ROBO1: variants seen among roughly 807,000 people sequenced by gnomAD.
The protein encoded by ROBO1 is roundabout guidance receptor 1.
ROBO1 carries 149 observed loss-of-function variants against 195.9 expected under a neutral mutation model. The observed-to-expected ratio is 0.76, with a 90% CI of 0.67 to 0.87. The LOEUF (loss-of-function observed/expected upper bound fraction) is 0.87. ROBO1 is among the 40% of genes least tolerant of loss of function. The pLI is 0.00. For synonymous variants in ROBO1, 816 were observed against 733.2 expected (o/e 1.11, Z -1.82); for missense variants, 1,933 against 2,068.3 (o/e 0.93, Z 1.27).
chr3:79,534,148 CAAAAAAAAAAAAAA>C (rs5850434), intron 2 of ROBO1, among the ~76,000 whole-genome samples: 12 of 59,970 alleles, frequency 2.0e-4, no homozygotes, highest in East Asian at 6.3e-4. Context: ...CTGGGGAAGG[CAAAAAAAAAAAAAA>C]AAAAAAAAAA....
At chr3:79,484,692 T>TAAATATGGGTTAA (rs1939055200) in intron 2 of ROBO1, among the ~76,000 whole-genome samples, 1 of 150,520 alleles carries the variant, frequency 6.6e-6, no homozygotes, top group African/African-American at 2.4e-5. Context: ...GGCCAATGGA[T>TAAATATGGGTTAA]AAATATGGGT....
At chr3:79,395,648 G>C (rs1424055027) in intron 2 of ROBO1, among the ~76,000 whole-genome samples, 1 of 151,732 alleles carries the variant, frequency 6.6e-6, no homozygotes, top group Non-Finnish European at 1.5e-5. Flanking sequence ...TGTATCCTAC[G>C]GATACACATA....
At chr3:78,863,613 T>C (rs1310879106) in intron 4 of ROBO1, among the ~76,000 whole-genome samples, 1 of 152,220 alleles carries the variant, frequency 6.6e-6, no homozygotes, top group Non-Finnish European at 1.5e-5. Context: ...ACTTGTTTTA[T>C]AGTTTCTTCA....
At chr3:79,207,786 GA>G (rs34624794) in intron 2 of ROBO1, among the ~76,000 whole-genome samples, 1,703 of 116,518 alleles carry the variant, frequency 0.015, 10 homozygotes, top group South Asian at 0.041. Flanking sequence ...CTTTAAAACT[GA>G]AAAAAAAAAA....
intron 3 of ROBO1, among the ~76,000 whole-genome samples, chr3:79,059,318 A>T (rs1026969832): frequency 1.6e-4 from 24 of 152,038 alleles, no homozygotes; most frequent in African/African-American, 5.6e-4. Flanking sequence ...AGGGGCAGAA[A>T]ATCTTTCTAG....
At chr3:79,593,019 C>A (rs1050992394) in intron 1 of ROBO1, among the ~76,000 whole-genome samples, 1 of 151,992 alleles carries the variant, frequency 6.6e-6, no homozygotes, top group Non-Finnish European at 1.5e-5. Flanking sequence ...TGGCTACATA[C>A]ATCTTTCACT....
At chr3:79,738,535 GA>G (rs397938050) in intron 1 of ROBO1, among the ~76,000 whole-genome samples, 1 of 141,582 alleles carries the variant, frequency 7.1e-6, no homozygotes, top group South Asian at 2.1e-4. Flanking sequence ...GACACTCATA[GA>G]AAAAAGTTAT....
chr3:78,873,130 C>G (rs2035642382), intron 4 of ROBO1, among the ~76,000 whole-genome samples: 1 of 152,062 alleles, frequency 6.6e-6, no homozygotes, highest in Admixed American at 6.6e-5. Flanking sequence ...CTCCCAAAAA[C>G]AGTCTTGGGG....
intron 4 of ROBO1, among the ~76,000 whole-genome samples, chr3:78,883,899 A>G (rs1233855928): frequency 6.6e-6 from 1 of 152,166 alleles, no homozygotes; most frequent in African/African-American, 2.4e-5. Flanking sequence ...AGAGAATAAA[A>G]GGGCCAGCCC....
intron 1 of ROBO1, among the ~76,000 whole-genome samples, chr3:79,715,652 G>T (rs1702452985): frequency 6.6e-6 from 1 of 152,140 alleles, no homozygotes; most frequent in South Asian, 2.1e-4. Context: ...AACCAAGTCT[G>T]TAGCATCTCC....
At chr3:78,919,598 G>C (rs1430992236) in intron 4 of ROBO1, among the ~76,000 whole-genome samples, 2 of 152,160 alleles carry the variant, frequency 1.3e-5, no homozygotes, top group African/African-American at 4.8e-5. Context: ...CATGTCAGAA[G>C]ATCTCAGTAT....
At chr3:79,758,538 C>T (rs190992431) in intron 1 of ROBO1, among the ~76,000 whole-genome samples, 1 of 152,084 alleles carries the variant, frequency 6.6e-6, no homozygotes, top group Non-Finnish European at 1.5e-5. Context: ...TATTCAAACA[C>T]GAATGAGAGA....
intron 3 of ROBO1, among the ~76,000 whole-genome samples, chr3:78,970,250 A>G (rs1463642515): frequency 6.6e-6 from 1 of 152,188 alleles, no homozygotes; most frequent in Non-Finnish European, 1.5e-5. Flanking sequence ...TGATAATAAT[A>G]TTTACTTCAC....
At chr3:79,353,268 G>C (rs1235679571) in intron 2 of ROBO1, among the ~76,000 whole-genome samples, 1 of 152,036 alleles carries the variant, frequency 6.6e-6, no homozygotes, top group East Asian at 1.9e-4. Context: ...TAATTGGAGA[G>C]AGCAAATTGC....
At chr3:78,727,392 C>G (rs570232851) in intron 5 of ROBO1, among the ~76,000 whole-genome samples, 1 of 152,056 alleles carries the variant, frequency 6.6e-6, no homozygotes, top group African/African-American at 2.4e-5. Context: ...TCTGGGAGGC[C>G]GAGGCGGGCG....
chr3:78,801,068 T>C (rs1345243014), intron 4 of ROBO1, among the ~76,000 whole-genome samples: 4 of 152,208 alleles, frequency 2.6e-5, no homozygotes, highest in Admixed American at 2.0e-4. Context: ...AGAGCACTTA[T>C]TATTGTGTGA....
At chr3:79,516,918 C>G (rs1244002303) in intron 2 of ROBO1, among the ~76,000 whole-genome samples, 1 of 152,034 alleles carries the variant, frequency 6.6e-6, no homozygotes, top group Non-Finnish European at 1.5e-5. Context: ...TAAGGCAATA[C>G]CAATTTATAC....
chr3:78,829,036 T>C (rs1170009537), intron 4 of ROBO1, among the ~76,000 whole-genome samples: 5 of 152,168 alleles, frequency 3.3e-5, no homozygotes, highest in Admixed American at 6.5e-5. Context: ...CAAAGTTCAA[T>C]GACATAAGAG....
At chr3:78,982,839 G>A (rs1023075730) in intron 3 of ROBO1, among the ~76,000 whole-genome samples, 8 of 152,006 alleles carry the variant, frequency 5.3e-5, no homozygotes, top group Admixed American at 2.6e-4. Flanking sequence ...GGCTGGTCTC[G>A]AACTCCTGAC....
Sources: allele counts gnomAD v4.1 joint callset (sites outside exome capture counted in the v4.1 genomes callset), GRCh38; gene constraint gnomAD v4.1.1; transcripts MANE v1.5; gene names NCBI Gene and HGNC (gene_info 2026-07-23, HGNC 2026-07-21).